The following YIPF1 variants were observed in gnomAD, a reference collection of about 807,000 sequenced individuals.
YIPF1 encodes Yip1 domain family member 1.
YIPF1 carries 22 observed loss-of-function variants against 37.0 expected under a neutral mutation model. The observed-to-expected ratio is 0.59, with a 90% CI of 0.42 to 0.85. The LOEUF is 0.85. Among genes scored for constraint, YIPF1 ranks in the 40% least tolerant of loss-of-function variants. YIPF1 has a pLI of 0.00. For missense variants in YIPF1, 355 were observed against 373.1 expected (o/e 0.95, Z 0.40); for synonymous variants, 128 against 131.9 (o/e 0.97, Z 0.21).
rs200306393 is a variant in YIPF1, at chr1:53,869,166, A to T, written c.481+2206T>A. Among the ~76,000 whole-genome samples the T allele has an allele frequency of 4.7e-3, 694 of 146,954 alleles. 8 individuals carry two copies. The highest frequency in any genetic ancestry group is 0.015 in the African/African-American group (579 of 38,172). ...CTCTCTCTCTCTCTCTCTCTCACAC[A>T]CACACACACACACACACACACACAG... On this transcript the variant is annotated intron_variant, in intron 7 of 10. Transcript: ENST00000072644.
chr1:53,862,926 T>C (rs752019542), intron 9 of YIPF1, among the ~76,000 whole-genome samples: 1 of 152,160 alleles, frequency 6.6e-6, no homozygotes, highest in Non-Finnish European at 1.5e-5. Context: ...CCAAGTTTCC[T>C]AACTTCTGGC....
At chr1:53,866,604 C>T (rs1035142406) in intron 8 of YIPF1, among the ~76,000 whole-genome samples, 154 bp downstream of exon 8, 7 of 152,084 alleles carry the variant, frequency 4.6e-5, no homozygotes, top group Non-Finnish European at 7.4e-5. Context: ...CTCCCCAGAC[C>T]CCTTTCATGC....
chr1:53,882,619 G>A (rs532141143), intron 4 of YIPF1, among the ~76,000 whole-genome samples: 4 of 152,088 alleles, frequency 2.6e-5, no homozygotes, highest in South Asian at 4.2e-4. Context: ...CACCATACTC[G>A]GCTAATATTT....
At chr1:53,857,089 A>C (rs1190066343) in intron 10 of YIPF1, among the ~76,000 whole-genome samples, 1 of 152,200 alleles carries the variant, frequency 6.6e-6, no homozygotes, top group Non-Finnish European at 1.5e-5. Context: ...GTGGTCTCCA[A>C]ATGACCGTCA....
chr1:53,889,788 C>T lies in YIPF1; in HGVS notation c.-345G>A, dbSNP rs1650763111. 6.6e-6 allele frequency: 1 copy of T among 152,430 alleles called. No homozygotes were observed. Among genetic ancestry groups the T allele is most frequent in the Admixed American group, 6.5e-5 (1 of 15,300 alleles). 9.4% of individuals were successfully genotyped at this position (152,430 alleles called of 1,614,324 possible). A position where few individuals can be genotyped will look rare whatever the true frequency, so the allele number is the denominator to read the frequency against. On this transcript the variant is annotated 5_prime_UTR_variant, in exon 1 of 11. Coordinates refer to ENST00000072644, the MANE Select transcript of YIPF1 (RefSeq NM_018982.5). ...GCTCCGCGCCGGTTTCGGTCCAGCC[C>T]AGTTGCCGGAAGCCGGAGATCCGGG...
At chr1:53,868,133 T>G (rs1650081351) in intron 7 of YIPF1, among the ~76,000 whole-genome samples, 1 of 152,252 alleles carries the variant, frequency 6.6e-6, no homozygotes, top group African/African-American at 2.4e-5. Context: ...TTTTTCACAC[T>G]GGGAATTGCC....
intron 6 of YIPF1, among the ~76,000 whole-genome samples, chr1:53,872,228 C>T (rs574335660): frequency 1.3e-5 from 2 of 152,102 alleles, no homozygotes; most frequent in Non-Finnish European, 2.9e-5. Flanking sequence ...TCTATCTTTC[C>T]TCCCTAAAGC....
chr1:53,876,602 A>G (rs1332483859), intron 6 of YIPF1, among the ~76,000 whole-genome samples: 1 of 152,222 alleles, frequency 6.6e-6, no homozygotes, highest in African/African-American at 2.4e-5. Context: ...GCAGTATAGC[A>G]TAGTGATGAA....
In YIPF1 at chr1:53,866,322, T is replaced by C; in HGVS notation, c.709A>G (p.Ile237Val). 2 of 1,614,156 alleles carry C rather than the reference T, an allele frequency of 1.2e-6. No individual in the cohort carries two copies. Among genetic ancestry groups the C allele is most frequent in the Non-Finnish European group, 8.5e-7 (1 of 1,180,022 alleles). The part of the protein sequence containing the change: ...RWILVMIALG[I>V]SGSLLAMTFW... Reference sequence around the variant, plus strand: ...GTCATTGCCAAGAGAGATCCTGAGATGCCCAGGGCAATCATGACTAGAATC... The same window carrying C: ...GTCATTGCCAAGAGAGATCCTGAGACGCCCAGGGCAATCATGACTAGAATC... Residue 237 changes from isoleucine (I) to valine (V), a missense_variant, in exon 9 of 11, where the codon ATC (isoleucine) becomes GTC (valine). Physicochemically the swap from Ile to Val is conservative, Grantham distance 29. Coordinates refer to ENST00000072644, the MANE Select transcript of YIPF1 (RefSeq NM_018982.5).
At position 53,886,969 on chromosome 1, in the gene YIPF1, A is replaced by T. The variant is rs186131396; in HGVS notation, c.31+1938T>A. ...TGCATAGGAAGAACCGTGACAGCCC[A>T]TGCAGCTTGGGCAGAGACAGAAAGG... On this transcript the variant is annotated intron_variant, in intron 3 of 10. Transcript: ENST00000072644. Among the ~76,000 whole-genome samples the T allele has an allele frequency of 2.3e-3, 350 of 152,098 alleles. 7 individuals are homozygous for T. Among genetic ancestry groups the T allele is most frequent in the African/African-American group, 8.0e-3 (331 of 41,340 alleles).
chr1:53,884,606 G>T (rs1210687469), intron 3 of YIPF1, among the ~76,000 whole-genome samples: 2 of 152,040 alleles, frequency 1.3e-5, no homozygotes, highest in African/African-American at 2.4e-5. Context: ...AAGCTTTTTG[G>T]GGGGCAGCCT....
At position 53,885,303 on chromosome 1, in the gene YIPF1, T is replaced by C. The variant is rs558478134; in HGVS notation, c.32-2027A>G. On this transcript the variant is annotated intron_variant, in intron 3 of 10. Coordinates refer to ENST00000072644, the MANE Select transcript of YIPF1 (RefSeq NM_018982.5). ...GGGAATTAGACCAAGGAAGATATAC[T>C]TAACTCTCACAGTTAAAAAGCAGTA... 4.6e-5 allele frequency among the ~76,000 whole-genome samples: 7 copies of C among 152,332 alleles called. No individual in the cohort carries two copies. In the East Asian group the frequency reaches 1.4e-3, roughly 29 times the overall value.
chr1:53,865,440 T>C (rs141088814), intron 9 of YIPF1, among the ~76,000 whole-genome samples: 334 of 152,300 alleles, frequency 2.2e-3, no homozygotes, highest in African/African-American at 7.6e-3. Flanking sequence ...TACAGTATAA[T>C]AACTATTTAC....
intron 6 of YIPF1, 25 bp from the exon 7 acceptor site, chr1:53,871,513 G>A: frequency 1.3e-6 from 2 of 1,565,116 alleles, no homozygotes; most frequent in Non-Finnish European, 1.8e-6. Context: ...AGAAAATTCA[G>A]AAACAAGAAA....
At chr1:53,868,403 C>T (rs1650088428) in intron 7 of YIPF1, among the ~76,000 whole-genome samples, 1 of 152,100 alleles carries the variant, frequency 6.6e-6, no homozygotes, top group African/African-American at 2.4e-5. Flanking sequence ...TCTCAGTTTC[C>T]TCATCTATAA....
At chr1:53,861,413 G>A (rs763979000) in intron 9 of YIPF1, among the ~76,000 whole-genome samples, 1 of 152,066 alleles carries the variant, frequency 6.6e-6, no homozygotes, top group Admixed American at 6.6e-5. Flanking sequence ...TTGTAAGACA[G>A]AATGAGCAAA....
chr1:53,868,840 C>A (rs1452095375), intron 7 of YIPF1, among the ~76,000 whole-genome samples: 2 of 152,176 alleles, frequency 1.3e-5, no homozygotes, highest in Non-Finnish European at 2.9e-5. Flanking sequence ...GTTTCCAGAT[C>A]CCCAGGCAAA....
rs761336414 is a variant in YIPF1, at chr1:53,888,951, C to A, written c.-14G>T. The A allele has an allele frequency of 6.3e-7, 1 of 1,596,512 alleles. No individual in the cohort carries two copies. The highest frequency in any genetic ancestry group is 1.1e-5 in the South Asian group (1 of 90,116). On this transcript the variant is annotated 5_prime_UTR_variant, in exon 3 of 11. Transcript: ENST00000072644. ...TACTGCTGCCATTCGGCCAGTGAGT[C>A]TTCTCCCAATTATGAGGAAGAAAAT...
At chr1:53,864,941 T>C (rs558210804) in intron 9 of YIPF1, among the ~76,000 whole-genome samples, 3 of 152,272 alleles carry the variant, frequency 2.0e-5, no homozygotes, top group Non-Finnish European at 4.4e-5. Flanking sequence ...ATTAAGAAAT[T>C]AAGATTCAGA....
Sources: gnomAD v4.1 joint callset for allele counts (sites outside exome capture counted in the v4.1 genomes callset) on GRCh38, gnomAD v4.1.1 for gene constraint, MANE v1.5 for transcripts, NCBI Gene and HGNC (gene_info 2026-07-23, HGNC 2026-07-21) for gene names.